Variants in SPATA31C1 observed in about 807,000 individuals in gnomAD.
The protein encoded by SPATA31C1 is spermatogenesis-associated protein 31C1.
chr9:87,921,147 G>A (rs768667748), exon 5 of SPATA31C1: 1 of 1,611,682 alleles, frequency 6.2e-7, no homozygotes, highest in Non-Finnish European at 8.5e-7. Context: ...ACAACTAGAA[G>A]GTGGGTTGGC....
chr9:87,922,522 A>C, exon 5 of SPATA31C1: 1 of 1,610,862 alleles, frequency 6.2e-7, no homozygotes, highest in Non-Finnish European at 8.5e-7. Flanking sequence ...ATGGCCACGA[A>C]GTCAGAGACC....
exon 5 of SPATA31C1, chr9:87,921,912 C>G (rs1342084382): frequency 1.9e-6 from 3 of 1,611,928 alleles, no homozygotes; most frequent in Admixed American, 1.7e-5. Context: ...GGGTCTACCC[C>G]TCAGGGTCCT....
chr9:87,922,184 T>C, exon 5 of SPATA31C1: 1 of 1,613,220 alleles, frequency 6.2e-7, no homozygotes, highest in African/African-American at 1.3e-5. Flanking sequence ...CTTCAAATGA[T>C]CATGGGTCCT....
chr9:87,921,255 C>G, exon 5 of SPATA31C1: 1 of 1,611,994 alleles, frequency 6.2e-7, no homozygotes, highest in Non-Finnish European at 8.5e-7. Context: ...TGAGAACTTT[C>G]CAGTCAGTCC....
exon 5 of SPATA31C1, chr9:87,922,644 A>T: frequency 2.5e-6 from 4 of 1,608,772 alleles, no homozygotes; most frequent in Non-Finnish European, 3.4e-6. Context: ...TCTCCAGAGC[A>T]CGCCTACTGG....
chr9:87,915,293 G>C (rs1301104484), intron 1 of SPATA31C1, among the ~76,000 whole-genome samples: 1 of 129,782 alleles, frequency 7.7e-6, no homozygotes, highest in African/African-American at 2.8e-5. Flanking sequence ...GAAAATCCCT[G>C]TGTGTGTGCG....
At chr9:87,920,603 T>A in exon 5 of SPATA31C1, 1 of 1,613,552 alleles carries the variant, frequency 6.2e-7, no homozygotes, top group South Asian at 1.1e-5. Context: ...CTCCACCTCC[T>A]CCGAAAGGCT....
chr9:87,920,742 A>G (rs1828833755), exon 5 of SPATA31C1: 3 of 1,613,786 alleles, frequency 1.9e-6, no homozygotes, highest in Non-Finnish European at 2.5e-6. Context: ...TGTCCCAGCC[A>G]TCTCAGGCCT....
chr9:87,922,154 G>C, exon 5 of SPATA31C1: 1 of 1,613,362 alleles, frequency 6.2e-7, no homozygotes, highest in Non-Finnish European at 8.5e-7. Flanking sequence ...AGTTCCAGAG[G>C]GCCCCGCGAG....
rs1828856204 is a variant in SPATA31C1, at chr9:87,921,225, A to C, written n.1615A>C. 4 of 1,611,988 alleles carry C rather than the reference A, an allele frequency of 2.5e-6. No individual in the cohort carries two copies. The East Asian group carries it at 8.9e-5, about 36-fold the overall frequency. On this transcript the variant is annotated non_coding_transcript_exon_variant, in exon 5 of 5. Transcript: ENST00000420021. The stretch of plus-strand genomic sequence containing the variant: ...CTCCACTCCTAACCTTCCCCAGGAA[A>C]GACTGACATCCATTCTGCCTGAGAA...
chr9:87,921,066 G>C, exon 5 of SPATA31C1: 1 of 1,611,398 alleles, frequency 6.2e-7, no homozygotes, highest in Non-Finnish European at 8.5e-7. Context: ...AGCTTGCCCT[G>C]CGTCGCAGAA....
exon 5 of SPATA31C1, chr9:87,922,161 C>G (rs564932037): frequency 6.2e-7 from 1 of 1,613,166 alleles, no homozygotes; most frequent in African/African-American, 1.3e-5. Flanking sequence ...GAGGGCCCCG[C>G]GAGGGATCCC....
At chr9:87,920,138 T>C in intron 4 of SPATA31C1, 114 bp from the exon 4 acceptor site, 1 of 1,599,202 alleles carries the variant, frequency 6.3e-7, no homozygotes, top group Non-Finnish European at 8.5e-7. Context: ...GTGGTCAGGG[T>C]GTGGCGTGGT....
At chr9:87,923,399 G>A in exon 5 of SPATA31C1, 1 of 1,602,292 alleles carries the variant, frequency 6.2e-7, no homozygotes, top group Non-Finnish European at 8.5e-7. Flanking sequence ...TGCTCCCCAA[G>A]AAAGCTGTAT....
exon 5 of SPATA31C1, chr9:87,920,460 C>G (rs1299627324): frequency 9.3e-6 from 15 of 1,613,956 alleles, no homozygotes; most frequent in Non-Finnish European, 1.2e-5. Context: ...ACCACCAGGC[C>G]CAATGACCAC....
intron 2 of SPATA31C1, 152 bp from the exon 2 acceptor site, chr9:87,919,103 T>G (rs1202996102): frequency 5.7e-6 from 7 of 1,228,202 alleles, no homozygotes; most frequent in Non-Finnish European, 8.0e-6. Context: ...AAGCAGTTTA[T>G]CATCCATTTA....
At chr9:87,919,215 G>A (rs1266395943) in intron 2 of SPATA31C1, 40 bp from the exon 2 acceptor site, 1 of 1,464,006 alleles carries the variant, frequency 6.8e-7, no homozygotes, top group Non-Finnish European at 9.1e-7. Flanking sequence ...GGCAGAGAGG[G>A]AGAGCCGGTC....
chr9:87,915,938 G>GT (rs2117969456), intron 1 of SPATA31C1, among the ~76,000 whole-genome samples: 1 of 143,494 alleles, frequency 7.0e-6, no homozygotes, highest in African/African-American at 2.5e-5. Context: ...TTAAAAAATA[G>GT]TAAGACAAAC....
At chr9:87,920,913 G>T (rs572146325) in exon 5 of SPATA31C1, 11 of 1,613,166 alleles carry the variant, frequency 6.8e-6, no homozygotes, top group Non-Finnish European at 9.3e-6. Context: ...GTCCCATCTG[G>T]GGCCTGAGTC....
Sources: allele counts gnomAD v4.1 joint callset (sites outside exome capture counted in the v4.1 genomes callset), GRCh38; gene constraint gnomAD v4.1.1; transcripts MANE v1.5; gene names NCBI Gene and HGNC (gene_info 2026-07-23, HGNC 2026-07-21).